Variants in TRPC5 observed in about 807,000 individuals in gnomAD.
TRPC5 encodes transient receptor potential cation channel subfamily C member 5.
In TRPC5, 9 loss-of-function variants were observed where a neutral mutation model predicts 56.5. The ratio of observed to expected loss-of-function variants is 0.16; its 90% CI spans 0.10 to 0.28. The LOEUF is 0.28. Ranked by LOEUF, TRPC5 falls within the 10% of genes least tolerant of loss-of-function variation. TRPC5 has a pLI of 1.00. For missense variants in TRPC5, 469 were observed against 748.9 expected (o/e 0.63, Z 4.36); for synonymous variants, 282 against 278.5 (o/e 1.01, Z -0.13).
rs144187203 is a variant in TRPC5 at position 112,025,193 on chromosome X, A to G, written c.-22+56686T>C. ...GAAGTGGGTACCCAGATATTATGAAAAAAGTCTAGCTGCAGATAATCAAAA... is the reference window on the plus strand; with the variant it reads ...GAAGTGGGTACCCAGATATTATGAAGAAAGTCTAGCTGCAGATAATCAAAA... On this transcript the variant is annotated intron_variant, in intron 1 of 10. Transcript: ENST00000262839. 8.4e-3 allele frequency among the ~76,000 whole-genome samples: 940 copies of G among 112,334 alleles called. 4 individuals carry two copies. The highest frequency in any genetic ancestry group is 0.029 in the African/African-American group (892 of 30,922).
At position 111,800,500 on chromosome X, in the gene TRPC5, C is replaced by T. The variant is rs185294852; in HGVS notation, c.1897-18362G>A. 2.9e-3 allele frequency among the ~76,000 whole-genome samples: 317 copies of T among 111,094 alleles called. 1 individual carries two copies. Among genetic ancestry groups the T allele is most frequent in the Non-Finnish European group, 3.4e-3 (182 of 52,967 alleles). On this transcript the variant is annotated intron_variant, in intron 7 of 10. Coordinates refer to ENST00000262839, the MANE Select transcript of TRPC5 (RefSeq NM_012471.3). Reference sequence around the variant, plus strand: ...CAAAAATTGGCCAGGCATGGTGGCTCATGCCTGTAATCCCAGCACTTTGGG... The same window carrying T: ...CAAAAATTGGCCAGGCATGGTGGCTTATGCCTGTAATCCCAGCACTTTGGG...
chrX:111,781,976 G>C lies in TRPC5; in HGVS notation c.2059C>G (p.Pro687Ala), dbSNP rs377382653. ...FNNTFCPKRD[P>A]DGRRRRRNLR... is the part of the protein sequence containing the mutation. ...TTGCGCCTTCTCCGTCTACCGTCAG[G>C]GTCTCTTTTGGGGCAGAAGGTGTTG... The change falls in exon 8 of 11, where the codon CCT becomes GCT. Residue 687 changes from proline (P) to alanine (A), a missense_variant. By Grantham distance (27) the Pro-to-Ala change is conservative (BLOSUM62 -1). Transcript: ENST00000262839. The C allele has an allele frequency of 8.3e-7, 1 of 1,205,057 alleles. No homozygotes were observed. Among genetic ancestry groups the C allele is most frequent in the Non-Finnish European group, 1.1e-6 (1 of 892,659 alleles).
intron 1 of TRPC5, among the ~76,000 whole-genome samples, chrX:112,019,587 C>T (rs1330143647): frequency 9.0e-6 from 1 of 111,338 alleles, no homozygotes; most frequent in East Asian, 2.8e-4. Context: ...AGGCGCCCAC[C>T]ACCACACCCG....
At chrX:111,933,215 T>A (rs1211340693) in intron 2 of TRPC5, among the ~76,000 whole-genome samples, 3 of 111,710 alleles carry the variant, frequency 2.7e-5, no homozygotes, top group Non-Finnish European at 5.6e-5. Flanking sequence ...ATACAATAGC[T>A]CTGAGGAGAG....
intron 1 of TRPC5, among the ~76,000 whole-genome samples, chrX:112,040,955 CAG>C (rs3032479): frequency 8.9e-6 from 1 of 112,291 alleles, no homozygotes; most frequent in Non-Finnish European, 1.9e-5. Context: ...CTGCCACAGA[CAG>C]AGTGTCTGGG....
intron 1 of TRPC5, among the ~76,000 whole-genome samples, chrX:112,031,586 T>TA (rs1198463411): frequency 1.8e-5 from 2 of 110,770 alleles, no homozygotes; most frequent in Admixed American, 9.7e-5. Context: ...CAGCAAAGTT[T>TA]AAAAAAATAA....
intron 3 of TRPC5, among the ~76,000 whole-genome samples, chrX:111,872,654 T>C (rs1423963628): frequency 1.8e-5 from 2 of 111,482 alleles, no homozygotes; most frequent in Non-Finnish European, 3.8e-5. Flanking sequence ...GAAGATTGCC[T>C]AAGCATGGTT....
At chrX:112,036,819 T>C (rs750098488) in intron 1 of TRPC5, among the ~76,000 whole-genome samples, 1 of 111,408 alleles carries the variant, frequency 9.0e-6, no homozygotes, top group Non-Finnish European at 1.9e-5. Context: ...GAGAAGACTA[T>C]CACTTCTGCC....
At chrX:111,996,544 A>ACCTT (rs1928538598) in intron 1 of TRPC5, among the ~76,000 whole-genome samples, 2 of 111,005 alleles carry the variant, frequency 1.8e-5, no homozygotes. Context: ...ATCCTTGTTA[A>ACCTT]CCTTCCGTCT....
intron 1 of TRPC5, among the ~76,000 whole-genome samples, chrX:111,970,775 GTT>G (rs761229610): frequency 2.2e-5 from 2 of 92,993 alleles, no homozygotes; most frequent in Non-Finnish European, 2.1e-5. Flanking sequence ...TCACATTACC[GTT>G]TTTTTTTTTT....
chrX:112,005,692 C>T (rs983476376), intron 1 of TRPC5, among the ~76,000 whole-genome samples: 3 of 110,731 alleles, frequency 2.7e-5, no homozygotes, highest in Non-Finnish European at 5.7e-5. Context: ...TTTTCCTCAC[C>T]ACAGCTGGGG....
intron 6 of TRPC5, among the ~76,000 whole-genome samples, chrX:111,840,402 A>C (rs1922696286): frequency 8.9e-6 from 1 of 112,073 alleles, no homozygotes; most frequent in Non-Finnish European, 1.9e-5. Context: ...AAATGGCTAT[A>C]TTTATATTTA....
At chrX:111,833,074 C>T (rs984170088) in intron 7 of TRPC5, among the ~76,000 whole-genome samples, 14 of 111,613 alleles carry the variant, frequency 1.3e-4, no homozygotes, top group African/African-American at 4.6e-4. Flanking sequence ...TCCATGCCTG[C>T]CCCTGCCCCC....
chrX:111,844,666 T>C (rs1252191332), intron 6 of TRPC5, among the ~76,000 whole-genome samples: 2 of 109,270 alleles, frequency 1.8e-5, no homozygotes, highest in Admixed American at 2.0e-4. Context: ...GGTTTCTCCA[T>C]GTTGGCCAGG....
At chrX:112,050,572 T>A (rs1184745211) in intron 1 of TRPC5, among the ~76,000 whole-genome samples, 1 of 111,862 alleles carries the variant, frequency 8.9e-6, no homozygotes, top group Non-Finnish European at 1.9e-5. Context: ...AGAAAGGGCA[T>A]TAATATTAAC....
intron 7 of TRPC5, among the ~76,000 whole-genome samples, chrX:111,800,736 A>G (rs1413305192): frequency 9.5e-6 from 1 of 104,770 alleles, no homozygotes; most frequent in Non-Finnish European, 1.9e-5. Flanking sequence ...CCTGGGTGAC[A>G]GAGTGAGACT....
chrX:111,838,642 G>A (rs995247680), intron 6 of TRPC5, among the ~76,000 whole-genome samples: 1 of 112,065 alleles, frequency 8.9e-6, no homozygotes, highest in African/African-American at 3.2e-5. Context: ...TATGGAACTT[G>A]CTAGCTCAAG....
At chrX:111,860,901 G>A (rs1923385765) in intron 3 of TRPC5, among the ~76,000 whole-genome samples, 2 of 111,979 alleles carry the variant, frequency 1.8e-5, no homozygotes. Flanking sequence ...TGAAAGTAAA[G>A]TTTGATTTTG....
intron 7 of TRPC5, among the ~76,000 whole-genome samples, chrX:111,803,664 G>A (rs997078663): frequency 8.9e-6 from 1 of 112,255 alleles, no homozygotes; most frequent in African/African-American, 3.2e-5. Context: ...AGAAGTATCT[G>A]TTCATATCCT....
Sources: gnomAD v4.1 joint callset for allele counts (sites outside exome capture counted in the v4.1 genomes callset) on GRCh38, gnomAD v4.1.1 for gene constraint, MANE v1.5 for transcripts, NCBI Gene and HGNC (gene_info 2026-07-23, HGNC 2026-07-21) for gene names.